The following EPB41L4A variants were observed in gnomAD, a reference collection of about 807,000 sequenced individuals.
EPB41L4A encodes band 4.1-like protein 4A.
In EPB41L4A, 100 loss-of-function variants were observed where a neutral mutation model predicts 108.6. The ratio of observed to expected loss-of-function variants is 0.92; its 90% CI spans 0.78 to 1.09. EPB41L4A has a LOEUF of 1.09. Among genes scored for constraint, EPB41L4A ranks in the 50% least tolerant of loss-of-function variants. The pLI is 0.00. For missense variants in EPB41L4A, 1,030 were observed against 842.7 expected (o/e 1.22, Z -2.75); for synonymous variants, 319 against 289.0 (o/e 1.10, Z -1.05).
At chr5:112,265,180 T>G (rs1751763637) in intron 5 of EPB41L4A, among the ~76,000 whole-genome samples, 164 bp from the exon 6 acceptor site, 1 of 152,226 alleles carries the variant, frequency 6.6e-6, no homozygotes, top group Non-Finnish European at 1.5e-5. Context: ...GATGAGCATA[T>G]ACGGATGGTA....
intron 1 of EPB41L4A, among the ~76,000 whole-genome samples, chr5:112,376,208 A>G (rs942434915): frequency 6.6e-6 from 1 of 152,244 alleles, no homozygotes; most frequent in African/African-American, 2.4e-5. Context: ...GAACATCAGC[A>G]AAACACATAA....
intron 1 of EPB41L4A, among the ~76,000 whole-genome samples, chr5:112,343,763 G>A (rs1757469472): frequency 6.6e-6 from 1 of 151,632 alleles, no homozygotes; most frequent in Admixed American, 6.6e-5. Context: ...TAAATAGCAA[G>A]AGAGAGAGAA....
At chr5:112,405,980 A>T (rs573872962) in intron 1 of EPB41L4A, among the ~76,000 whole-genome samples, 55 of 152,328 alleles carry the variant, frequency 3.6e-4, no homozygotes, top group African/African-American at 1.2e-3. Flanking sequence ...GAGTTCACAA[A>T]TCCAAACCTA....
chr5:112,403,739 A>T (rs1044495502), intron 1 of EPB41L4A, among the ~76,000 whole-genome samples: 4 of 152,212 alleles, frequency 2.6e-5, no homozygotes, highest in Admixed American at 2.6e-4. Flanking sequence ...AAGTGCTGGG[A>T]TCACAGGAGT....
chr5:112,318,079 C>T (rs775810533), intron 1 of EPB41L4A, among the ~76,000 whole-genome samples: 2 of 152,142 alleles, frequency 1.3e-5, no homozygotes, highest in African/African-American at 2.4e-5. Context: ...TGAGGAAACT[C>T]AGAGCCGAGA....
intron 4 of EPB41L4A, among the ~76,000 whole-genome samples, chr5:112,269,263 A>G (rs1057201563): frequency 4.6e-5 from 7 of 152,056 alleles, no homozygotes; most frequent in Non-Finnish European, 8.8e-5. Flanking sequence ...AACTCACTGC[A>G]TTAAAAAAAA....
At chr5:112,381,084 G>A (rs1760148376) in intron 1 of EPB41L4A, among the ~76,000 whole-genome samples, 1 of 152,154 alleles carries the variant, frequency 6.6e-6, no homozygotes, top group South Asian at 2.1e-4. Flanking sequence ...GCGTGAGGCG[G>A]CTATGATATT....
At chr5:112,165,403 T>C (rs1760182806) in intron 22 of EPB41L4A, among the ~76,000 whole-genome samples, 1 of 152,196 alleles carries the variant, frequency 6.6e-6, no homozygotes. Flanking sequence ...TTACTTTTGT[T>C]AACAATTCCC....
At chr5:112,379,856 T>C (rs985024317) in intron 1 of EPB41L4A, among the ~76,000 whole-genome samples, 3 of 152,170 alleles carry the variant, frequency 2.0e-5, no homozygotes, top group Admixed American at 1.3e-4. Flanking sequence ...AAAATATGAT[T>C]AGTTATATGT....
intron 12 of EPB41L4A, among the ~76,000 whole-genome samples, chr5:112,212,872 T>G (rs1261979989): frequency 1.3e-5 from 2 of 152,202 alleles, no homozygotes; most frequent in African/African-American, 4.8e-5. Context: ...TCATTCTCTT[T>G]AGACTGACTA....
In EPB41L4A at chr5:112,275,146, A is replaced by G. The variant is rs183263965; in HGVS notation, c.335+180T>C. The G allele has an allele frequency of 9.1e-4, 609 of 667,572 alleles. 2 individuals are homozygous for G. The highest frequency in any genetic ancestry group is 1.0e-3 in the Non-Finnish European group (435 of 433,196). The allele number at this position is 667,572 out of a possible 1,614,324, so 41.4% of individuals were successfully genotyped here. ...GTTCACGCCATTTTCAAACACATCT[A>G]TCATCAGACACTGATCAACTTCATG... On this transcript the variant is annotated intron_variant, in intron 4 of 22. Coordinates refer to ENST00000261486, the MANE Select transcript of EPB41L4A (RefSeq NM_022140.5).
intron 18 of EPB41L4A, 66 bp downstream of exon 18, chr5:112,183,950 C>A: frequency 6.3e-7 from 1 of 1,590,096 alleles, no homozygotes; most frequent in African/African-American, 1.3e-5. Flanking sequence ...TTTAGAAGAC[C>A]TGAATATCCA....
chr5:112,348,830 C>T (rs1482028105), intron 1 of EPB41L4A, among the ~76,000 whole-genome samples: 1 of 152,174 alleles, frequency 6.6e-6, no homozygotes, highest in Non-Finnish European at 1.5e-5. Context: ...CTCACTAGAG[C>T]CCATCCCATT....
rs12652360 is a variant in EPB41L4A at position 112,297,234 on chromosome 5, G to C, written c.204+10152C>G. On this transcript the variant is annotated intron_variant, in intron 2 of 22. Transcript: ENST00000261486. ...CTCCACACTGTTTTCCATAGTGGCT[G>C]TACTAGTTTACATTCCCACCAGCAG... 2.0e-4 allele frequency among the ~76,000 whole-genome samples: 30 copies of C among 152,248 alleles called. 1 individual carries two copies. The East Asian group carries it at 5.2e-3, about 26-fold the overall frequency.
At chr5:112,241,342 A>C (rs1659738909) in intron 9 of EPB41L4A, among the ~76,000 whole-genome samples, 1 of 152,244 alleles carries the variant, frequency 6.6e-6, no homozygotes, top group South Asian at 2.1e-4. Context: ...TCCTGCATCA[A>C]GTCACTGAGT....
Position 112,276,107 on chromosome 5 carries a change from C to T in EPB41L4A, c.257-703G>A, listed in dbSNP as rs143760959. 9.9e-5 allele frequency among the ~76,000 whole-genome samples: 15 copies of T among 152,244 alleles called. No homozygotes were observed. In the East Asian group the frequency reaches 2.9e-3, roughly 29 times the overall value. On this transcript the variant is annotated intron_variant, in intron 3 of 22. Coordinates refer to ENST00000261486, the MANE Select transcript of EPB41L4A (RefSeq NM_022140.5). ...TCATTAGAATTTTCTTATGATAACT[C>T]TTACCTTTTTTTACAGGAAAAAAGT...
chr5:112,187,458 T>C (rs1390208562), intron 17 of EPB41L4A, among the ~76,000 whole-genome samples: 1 of 152,196 alleles, frequency 6.6e-6, no homozygotes, highest in Non-Finnish European at 1.5e-5. Context: ...ATTTCTTCCA[T>C]CTCTTACCAA....
intron 1 of EPB41L4A, among the ~76,000 whole-genome samples, chr5:112,363,881 A>G (rs1758945849): frequency 6.6e-6 from 1 of 152,246 alleles, no homozygotes; most frequent in Admixed American, 6.5e-5. Context: ...CATTCATGCC[A>G]TATTTTCATG....
rs1257942989 is a variant in EPB41L4A at position 112,270,044 on chromosome 5, G to T, written c.336-3714C>A. Among the ~76,000 whole-genome samples the T allele has an allele frequency of 3.9e-5, 6 of 152,260 alleles. No homozygotes were observed. The East Asian group carries it at 9.6e-4, about 24-fold the overall frequency. On this transcript the variant is annotated intron_variant, in intron 4 of 22. Transcript: ENST00000261486. ...TTGAAACGAGCTAAATTGACACCAA[G>T]GATGTACAAGTTGTTGAGGACCATT... is the stretch of plus-strand genomic sequence containing the variant.
Sources: allele counts gnomAD v4.1 joint callset (sites outside exome capture counted in the v4.1 genomes callset), GRCh38; gene constraint gnomAD v4.1.1; transcripts MANE v1.5; gene names NCBI Gene and HGNC (gene_info 2026-07-23, HGNC 2026-07-21).